The following CDK5RAP2 variants were observed in gnomAD, a reference collection of about 807,000 sequenced individuals.
CDK5RAP2 encodes CDK5 regulatory subunit-associated protein 2.
In CDK5RAP2, 147 loss-of-function variants were observed where a neutral mutation model predicts 232.9. That is an observed-to-expected ratio of 0.63 (90% CI 0.55 to 0.72). The LOEUF is 0.72. Among genes scored for constraint, CDK5RAP2 ranks in the 30% least tolerant of loss-of-function variants. The pLI is 0.00. For synonymous variants in CDK5RAP2, 833 were observed against 833.7 expected, an observed-to-expected ratio of 1.00 and a Z score of 0.01; for missense variants, 2,195 against 2,231.5, an observed-to-expected ratio of 0.98 and a Z score of 0.33.
At chr9:120,476,120 G>A (rs981740370) in intron 15 of CDK5RAP2, among the ~76,000 whole-genome samples, 2 of 151,994 alleles carry the variant, frequency 1.3e-5, no homozygotes, top group African/African-American at 4.8e-5. Context: ...GAACGATAAA[G>A]AGCTCACTAT....
chr9:120,568,634 T>C (rs575749046), intron 2 of CDK5RAP2, among the ~76,000 whole-genome samples: 1 of 152,302 alleles, frequency 6.6e-6, no homozygotes, highest in Admixed American at 6.5e-5. Flanking sequence ...AGCAAACACA[T>C]CAGGCATTTT....
At chr9:120,405,429 T>G (rs2033365163) in intron 32 of CDK5RAP2, among the ~76,000 whole-genome samples, 1 of 152,190 alleles carries the variant, frequency 6.6e-6, no homozygotes. Context: ...TTTGATGGCC[T>G]CCTCACTTCA....
intron 25 of CDK5RAP2, among the ~76,000 whole-genome samples, chr9:120,432,527 G>A (rs2035344364): frequency 6.6e-6 from 1 of 152,076 alleles, no homozygotes; most frequent in African/African-American, 2.4e-5. Context: ...TAATTCAAGA[G>A]CCAGACCCCT....
chr9:120,453,265 G>C (rs1195479662), intron 21 of CDK5RAP2, among the ~76,000 whole-genome samples, 191 bp downstream of exon 21: 1 of 152,128 alleles, frequency 6.6e-6, no homozygotes, highest in African/African-American at 2.4e-5. Context: ...GAGGGAGTGA[G>C]GGGAAGGAGA....
At chr9:120,563,479 T>A (rs904834422) in intron 3 of CDK5RAP2, among the ~76,000 whole-genome samples, 2 of 152,148 alleles carry the variant, frequency 1.3e-5, no homozygotes, top group Admixed American at 1.3e-4. Flanking sequence ...CAACGGAATC[T>A]TTGGATTAGA....
intron 17 of CDK5RAP2, among the ~76,000 whole-genome samples, chr9:120,469,738 C>T (rs1396344107): frequency 6.6e-6 from 1 of 152,166 alleles, no homozygotes; most frequent in African/African-American, 2.4e-5. Context: ...AAGATGTTCA[C>T]AGCCTAGCAA....
intron 23 of CDK5RAP2, 122 bp from the exon 24 acceptor site, chr9:120,440,094 G>A: frequency 1.2e-6 from 1 of 815,582 alleles, no homozygotes; most frequent in Non-Finnish European, 2.0e-6. Context: ...CCTCAAAAAG[G>A]CCCTAGTATT....
intron 27 of CDK5RAP2, among the ~76,000 whole-genome samples, chr9:120,417,957 C>G (rs990769215): frequency 2.6e-5 from 4 of 152,170 alleles, no homozygotes; most frequent in African/African-American, 9.7e-5. Flanking sequence ...GACAGAGGAA[C>G]AGAAGGAAAA....
rs745925618 is a variant in CDK5RAP2, at chr9:120,439,422, C to A, written c.3699G>T (p.Lys1233Asn). The A allele has an allele frequency of 6.2e-7, 1 of 1,614,176 alleles. No individual in the cohort carries two copies. Among genetic ancestry groups the A allele is most frequent in the Admixed American group, 1.7e-5 (1 of 60,022 alleles). ...LFSEIHNLQN[K>N]FRDLSPPRYD... The stretch of plus-strand genomic sequence containing the variant: ...ACCTGGGAGGTGAGAGATCTCTGAA[C>A]TTATTCTGCAGATTATGGATCTCAC... Residue 1233 changes from lysine to asparagine, a missense_variant, in exon 24 of 38, where the codon AAG (lysine) becomes AAT (asparagine). Lys to Asn is a moderately conservative substitution (Grantham distance 94). Transcript: ENST00000349780.
In CDK5RAP2 at chr9:120,400,780, G is replaced by A. The variant is rs545543130; in HGVS notation, c.5413C>T (p.Leu1805Phe). Residue 1805 changes from leucine (L) to phenylalanine (F), a missense_variant, in exon 35 of 38, where the codon CTC becomes TTC. By Grantham distance (22) the Leu-to-Phe change is conservative. Transcript: ENST00000349780. ...RRLKLLWRVSLPEDGQCPLHC... is the reference protein window; with the variant it reads ...RRLKLLWRVSFPEDGQCPLHC... ...AGGGGGCACTGGCCATCCTCGGGGA[G>A]TGAGACTCTCCAGAGAAGCTTCAGC... is the stretch of plus-strand genomic sequence containing the variant. 26 of 1,614,130 alleles carry A rather than the reference G, an allele frequency of 1.6e-5. No homozygotes were observed. The East Asian group carries it at 5.6e-4, about 35-fold the overall frequency.
chr9:120,548,658 T>G (rs1298211150), intron 4 of CDK5RAP2, among the ~76,000 whole-genome samples: 1 of 151,450 alleles, frequency 6.6e-6, no homozygotes, highest in Non-Finnish European at 1.5e-5. Flanking sequence ...AAGCAAAAAT[T>G]TAAAAATGCC....
chr9:120,480,186 A>G (rs2038225649), intron 14 of CDK5RAP2, among the ~76,000 whole-genome samples: 1 of 152,234 alleles, frequency 6.6e-6, no homozygotes, highest in Admixed American at 6.5e-5. Flanking sequence ...TGGGGCTGCA[A>G]ACAGCCTTTG....
chr9:120,389,179 A>C lies in CDK5RAP2; in HGVS notation c.*57T>G. ...ATAAATAGGAACCACACTTGGAACA[A>C]AGAGACAGCGTGAGCTCGGTGGGGG... On this transcript the variant is annotated 3_prime_UTR_variant, in exon 38 of 38. Coordinates refer to ENST00000349780, the MANE Select transcript of CDK5RAP2 (RefSeq NM_018249.6). 2 of 1,414,106 alleles carry C rather than the reference A, an allele frequency of 1.4e-6. No homozygotes were observed. Among genetic ancestry groups the C allele is most frequent in the Non-Finnish European group, 2.0e-6 (2 of 1,005,936 alleles). The allele number at this position is 1,414,106 out of a possible 1,614,324, so 87.6% of individuals were successfully genotyped here. A position where few individuals can be genotyped will look rare whatever the true frequency, so the allele number is the denominator to read the frequency against.
At chr9:120,424,848 C>T (rs2034792081) in intron 25 of CDK5RAP2, among the ~76,000 whole-genome samples, 1 of 151,968 alleles carries the variant, frequency 6.6e-6, no homozygotes, top group Admixed American at 6.6e-5. Flanking sequence ...TACAAGCACA[C>T]ACCACCACCA....
At chr9:120,568,501 CG>C in intron 2 of CDK5RAP2, 113 bp from the exon 3 acceptor site, 1 of 806,760 alleles carries the variant, frequency 1.2e-6, no homozygotes, top group Non-Finnish European at 2.2e-6. Context: ...ACAGTACACG[CG>C]GCTGGTACTT....
rs1284468551 is a variant in CDK5RAP2 at position 120,579,971 on chromosome 9, T to A, written c.8A>T (p.Asp3Val). The A allele has an allele frequency of 6.2e-7, 1 of 1,610,456 alleles. No individual in the cohort carries two copies. The highest frequency in any genetic ancestry group is 8.5e-7 in the Non-Finnish European group (1 of 1,176,838). Residue 3 changes from aspartate to valine, a missense_variant, in exon 1 of 38, where the codon GAC (aspartate) becomes GTC (valine). Physicochemically the swap from Asp to Val is radical, Grantham distance 152. Transcript: ENST00000349780. MM[D>V]LVLEEDVTVP... The stretch of plus-strand genomic sequence containing the variant: ...GGTGACGTCCTCTTCCAACACCAAG[T>A]CCATCATGGCTACAGAGGTGGCGAC...
At chr9:120,418,474 G>A (rs187859461) in intron 27 of CDK5RAP2, among the ~76,000 whole-genome samples, 138 of 152,298 alleles carry the variant, frequency 9.1e-4, no homozygotes, top group South Asian at 8.1e-3. Context: ...CCTCAATCAA[G>A]TCTGCACAAA....
At chr9:120,554,843 G>C (rs2132081977) in intron 3 of CDK5RAP2, among the ~76,000 whole-genome samples, 1 of 152,212 alleles carries the variant, frequency 6.6e-6, no homozygotes, top group South Asian at 2.1e-4. Flanking sequence ...ATGTTGGCCA[G>C]GCTGGTCTCA....
intron 22 of CDK5RAP2, among the ~76,000 whole-genome samples, chr9:120,445,551 C>T (rs1019907908): frequency 4.6e-5 from 7 of 152,204 alleles, no homozygotes; most frequent in African/African-American, 9.7e-5. Context: ...CCTTCAAGTA[C>T]ACCAATGACT....
Sources: gnomAD v4.1 joint callset for allele counts (sites outside exome capture counted in the v4.1 genomes callset) on GRCh38, gnomAD v4.1.1 for gene constraint, MANE v1.5 for transcripts, NCBI Gene and HGNC (gene_info 2026-07-23, HGNC 2026-07-21) for gene names.